EVPL: variants seen among roughly 807,000 people sequenced by gnomAD.
EVPL encodes envoplakin.
In EVPL, 94 loss-of-function variants were observed where a neutral mutation model predicts 129.7. That is an observed-to-expected ratio of 0.72 (90% CI 0.61 to 0.86). The LOEUF (loss-of-function observed/expected upper bound fraction) is 0.86, where lower values mean the gene tolerates loss of function less well. Among genes scored for constraint, EVPL ranks in the 40% least tolerant of loss-of-function variants. The pLI is 0.00. For missense variants in EVPL, 2,625 were observed against 2,721.1 expected (o/e 0.96, Z 0.79); for synonymous variants, 1,172 against 1,191.1 (o/e 0.98, Z 0.33).
In EVPL at chr17:76,022,065, A is replaced by G. The variant is rs1188480451; in HGVS notation, c.646-37T>C. 1.9e-6 allele frequency: 3 copies of G among 1,558,688 alleles called. No individual in the cohort carries two copies. In the African/African-American group the frequency reaches 4.1e-5, roughly 21 times the overall value. On this transcript the variant is annotated intron_variant, in intron 6 of 21. Transcript: ENST00000301607. This position sits in a 1 kb window ranked among gnomAD's most constrained non-coding sequence, Gnocchi z 5.6. ...ACCCGCCGCCAGCAGCAGGGTGGGG[A>G]GACAGAAAGTGGGGGGCAAAAGGCG... is the stretch of plus-strand genomic sequence containing the variant.
chr17:76,023,265 A>T, intron 4 of EVPL, 27 bp downstream of exon 4: 1 of 1,613,318 alleles, frequency 6.2e-7, no homozygotes, highest in Non-Finnish European at 8.5e-7. Flanking sequence ...CTCTGATCAC[A>T]CTGGGGTGTG....
chr17:76,023,067 C>G (rs1390981045), intron 4 of EVPL, among the ~76,000 whole-genome samples: 3 of 152,154 alleles, frequency 2.0e-5, no homozygotes, highest in African/African-American at 7.2e-5. Context: ...CTCCTCACTA[C>G]TTCACCCTGG....
At chr17:76,026,721 T>G (rs2066500486) in intron 1 of EVPL, among the ~76,000 whole-genome samples, 1 of 130,018 alleles carries the variant, frequency 7.7e-6, no homozygotes. Flanking sequence ...GCAGCCAGGC[T>G]CTCCTGTCTC....
Position 76,023,674 on chromosome 17 carries a change from A to G in EVPL, c.199-20T>C. 6.5e-7 allele frequency: 1 copy of G among 1,528,466 alleles called. No homozygotes were observed. The highest frequency in any genetic ancestry group is 1.4e-5 in the African/African-American group (1 of 72,826). The allele number at this position is 1,528,466 out of a possible 1,614,324, so 94.7% of individuals were successfully genotyped here. A position where few individuals can be genotyped will look rare whatever the true frequency, so the allele number is the denominator to read the frequency against. On this transcript the variant is annotated intron_variant, in intron 2 of 21. Coordinates refer to ENST00000301607, the MANE Select transcript of EVPL (RefSeq NM_001988.4). ...CCGGTCCTGTGGGCAGGAGATGGGC[A>G]GACTGGCCAGGGCCCAGAGCCCCCA... is the stretch of plus-strand genomic sequence containing the variant.
rs755302072 is a variant in EVPL, at chr17:76,023,539, C to T, written c.314G>A (p.Arg105Gln). Reference protein sequence around the residue: ...KDLFLDVDKARRLKHPQAEEI... With the variant: ...KDLFLDVDKAQRLKHPQAEEI... ...CTCAGCCTGCGGGTGCTTGAGCCGC[C>T]GGGCCTTGTCCACGTCCAGGAAGAG... The change falls in exon 3 of 22, where the codon CGG (arginine) becomes CAG (glutamine). Residue 105 changes from arginine (R) to glutamine (Q), a missense_variant. Around this residue, in one of 4 missense-constraint regions of EVPL, gnomAD observed 139 missense variants for 186.8 expected, o/e 0.74. Transcript: ENST00000301607. The T allele has an allele frequency of 7.2e-5, 116 of 1,613,246 alleles. No individual in the cohort carries two copies. The highest frequency in any genetic ancestry group is 3.3e-4 in the Middle Eastern group (2 of 5,978).
chr17:76,010,493 G>A lies in EVPL; in HGVS notation c.2712C>T (p.Ser904=), dbSNP rs139093656. The part of the protein sequence containing the change: ...IRRTHDAKQG[S]ESPAQAGRES... ...CTCTCCCTGCTTGGGCAGGGCTCTCGGAGCCCTGCTTTGCATCATGGGTCC... is the reference window on the plus strand; with the variant it reads ...CTCTCCCTGCTTGGGCAGGGCTCTCAGAGCCCTGCTTTGCATCATGGGTCC... Residue 904 remains serine, a synonymous_variant, in exon 22 of 22, where the codon TCC becomes TCT. Transcript: ENST00000301607. The A allele has an allele frequency of 2.9e-4, 463 of 1,613,766 alleles. 2 individuals are homozygous for A. In the African/African-American group the frequency reaches 5.2e-3, roughly 18 times the overall value.
rs191977923 is a variant in EVPL, at chr17:76,007,900, C to T, written c.5305G>A (p.Gly1769Ser). The T allele has an allele frequency of 3.2e-4, 519 of 1,614,026 alleles. 2 individuals carry two copies. In the East Asian group the frequency reaches 0.01, roughly 32 times the overall value. ...SKEEYHLYKD[G>S]HLPISEFALL... Reference sequence around the variant, plus strand: ...GCAAACTCGGAGATGGGCAGGTGGCCGTCCTTGTACAGATGGTACTCCTCC... The same window carrying T: ...GCAAACTCGGAGATGGGCAGGTGGCTGTCCTTGTACAGATGGTACTCCTCC... The change falls in exon 22 of 22, where the codon GGC (glycine) becomes AGC (serine). Residue 1769 changes from glycine to serine, a missense_variant. Physicochemically the swap from Gly to Ser is moderately conservative, Grantham distance 56. This residue lies in a region of EVPL where 1,453 missense variants were observed against 1,511.8 expected (regional missense o/e 0.96). Transcript: ENST00000301607. The surrounding 1 kb of genome is among the most constrained non-coding windows in gnomAD (Gnocchi z 8.8).
In EVPL at chr17:76,008,310, G is replaced by T; in HGVS notation, c.4895C>A (p.Ala1632Asp). ...QKTESERQKA[A>D]QRGQELSRLE... The stretch of plus-strand genomic sequence containing the variant: ...CCGCGAGAGCTCCTGGCCCCGCTGG[G>T]CCGCCTTCTGTCGCTCGCTCTCCGT... The change falls in exon 22 of 22, where the codon GCC becomes GAC. Residue 1632 changes from alanine to aspartate, a missense_variant. Physicochemically the swap from Ala to Asp is moderately radical, Grantham distance 126 (BLOSUM62 -2). Around this residue, in one of 4 missense-constraint regions of EVPL, gnomAD observed 1,453 missense variants for 1,511.8 expected, o/e 0.96. Transcript: ENST00000301607. The surrounding 1 kb of genome is among the most constrained non-coding windows in gnomAD (Gnocchi z 7.4). 1 of 1,608,700 alleles carries T rather than the reference G, an allele frequency of 6.2e-7. No individual in the cohort carries two copies. The highest frequency in any genetic ancestry group is 1.1e-5 in the South Asian group (1 of 91,064).
intron 19 of EVPL, 45 bp downstream of exon 19, chr17:76,011,961 A>T (rs1440580697): frequency 6.2e-7 from 1 of 1,602,046 alleles, no homozygotes; most frequent in East Asian, 2.2e-5. Context: ...GAAGAGGGAC[A>T]AGGGTGATGC....
At position 76,015,624 on chromosome 17, in the gene EVPL, G is replaced by A; in HGVS notation, c.1715C>T (p.Thr572Ile). Reference protein sequence around the residue: ...LEGRIHSHEGTAQRLQSLGTE... With the variant: ...LEGRIHSHEGIAQRLQSLGTE... ...TCCCAGGCTCTGCAGGCGCTGGGCT[G>A]TGCCCTAAAGAGGGGCGGGGTCAGG... is the stretch of plus-strand genomic sequence containing the variant. Residue 572 changes from threonine to isoleucine, a missense_variant, in exon 15 of 22, where the codon ACA becomes ATA. Physicochemically the swap from Thr to Ile is moderately conservative, Grantham distance 89. Transcript: ENST00000301607. 6 of 1,611,906 alleles carry A rather than the reference G, an allele frequency of 3.7e-6. No individual in the cohort carries two copies. Among genetic ancestry groups the A allele is most frequent in the Non-Finnish European group, 4.2e-6 (5 of 1,178,966 alleles).
rs1480486391 is a variant in EVPL at position 76,013,604 on chromosome 17, C to T, written c.2373+822G>A. ...GGGCCCCGTCCATCTCACTCACTGTCCCCTTCAAGCAGTCACCAAGTCCAC... is the reference window on the plus strand; with the variant it reads ...GGGCCCCGTCCATCTCACTCACTGTTCCCTTCAAGCAGTCACCAAGTCCAC... On this transcript the variant is annotated intron_variant, in intron 18 of 21. Coordinates refer to ENST00000301607, the MANE Select transcript of EVPL (RefSeq NM_001988.4). This position sits in a 1 kb window ranked among gnomAD's most constrained non-coding sequence, Gnocchi z 4.3. Among the ~76,000 whole-genome samples, 1 of 152,216 alleles carries T rather than the reference C, an allele frequency of 6.6e-6. No individual in the cohort carries two copies. Among genetic ancestry groups the T allele is most frequent in the Non-Finnish European group, 1.5e-5 (1 of 68,040 alleles).
Position 76,024,002 on chromosome 17 carries a change from A to G in EVPL, c.198+19T>C, listed in dbSNP as rs761490039. ...CACCCAGCCTGTCCACGCCCTGCCAACTGCTGCCGGGGCCTCACCTGCTGC... is the reference window on the plus strand; with the variant it reads ...CACCCAGCCTGTCCACGCCCTGCCAGCTGCTGCCGGGGCCTCACCTGCTGC... On this transcript the variant is annotated intron_variant, in intron 2 of 21. Transcript: ENST00000301607. This position sits in a 1 kb window ranked among gnomAD's most constrained non-coding sequence, Gnocchi z 4.5. The G allele has an allele frequency of 6.2e-6, 10 of 1,606,896 alleles. No homozygotes were observed. The highest frequency in any genetic ancestry group is 1.7e-5 in the Admixed American group (1 of 59,350).
At chr17:76,011,410 G>A (rs1598233632) in intron 21 of EVPL, 166 bp downstream of exon 21, 1 of 652,914 alleles carries the variant, frequency 1.5e-6, no homozygotes, top group Non-Finnish European at 2.7e-6. Context: ...CTGGGTGGCT[G>A]GAATCCGCTC....
Position 76,017,699 on chromosome 17 carries a change from C to T in EVPL, c.1710+40G>A, listed in dbSNP as rs566324165. On this transcript the variant is annotated intron_variant, in intron 14 of 21. Coordinates refer to ENST00000301607, the MANE Select transcript of EVPL (RefSeq NM_001988.4). ...TCAAGTGTGAGCACCAGGGCCGGGC[C>T]GCTTCTCATCCCAGCCGCCCCTTCC... is the stretch of plus-strand genomic sequence containing the variant. 2.2e-4 allele frequency: 345 copies of T among 1,593,748 alleles called. 2 individuals carry two copies. The East Asian group carries it at 2.4e-3, about 11-fold the overall frequency.
chr17:76,026,242 A>AT (rs61017516), intron 1 of EVPL, among the ~76,000 whole-genome samples: 1,721 of 130,184 alleles, frequency 0.013, 29 homozygotes, highest in African/African-American at 0.041. Context: ...TTGCGCCAGG[A>AT]TTTTTTTTTT....
At position 76,022,651 on chromosome 17, in the gene EVPL, A is replaced by G. The variant is rs1598244954; in HGVS notation, c.481-113T>C. The G allele has an allele frequency of 2.1e-6, 3 of 1,411,736 alleles. No individual in the cohort carries two copies. The highest frequency in any genetic ancestry group is 2.9e-5 in the African/African-American group (2 of 69,668). The allele number at this position is 1,411,736 out of a possible 1,614,324, so 87.5% of individuals were successfully genotyped here. On this transcript the variant is annotated intron_variant, in intron 4 of 21. Transcript: ENST00000301607. This position sits in a 1 kb window ranked among gnomAD's most constrained non-coding sequence, Gnocchi z 5.6. Reference sequence around the variant, plus strand: ...TGGTCATTTGGGCAGAGCGTGGACGAGCCTGGGAGCAGCCCGGGTGCATGC... The same window carrying G: ...TGGTCATTTGGGCAGAGCGTGGACGGGCCTGGGAGCAGCCCGGGTGCATGC...
chr17:76,015,128 C>G lies in EVPL; in HGVS notation c.2029-19G>C. On this transcript the variant is annotated intron_variant, in intron 16 of 21. Transcript: ENST00000301607. ...GCTGGCGCTGCAGGAGGAGGGGACG[C>G]AGCCGTGCACCCTCGTGGCTGGGGA... 1.3e-6 allele frequency: 2 copies of G among 1,568,090 alleles called. No individual in the cohort carries two copies. Among genetic ancestry groups the G allele is most frequent in the Non-Finnish European group, 1.7e-6 (2 of 1,156,098 alleles).
chr17:76,017,432 A>G (rs1313257909), intron 14 of EVPL, among the ~76,000 whole-genome samples: 1 of 152,112 alleles, frequency 6.6e-6, no homozygotes, highest in Non-Finnish European at 1.5e-5. Context: ...CTTCACCAGA[A>G]TACCTCCTGG....
At position 76,017,732 on chromosome 17, in the gene EVPL, C is replaced by T. The variant is rs1340180886; in HGVS notation, c.1710+7G>A. ...ATCCCAGCCGCCCCTTCCCGCTGCT[C>T]ACCCACCTCATGGCTGTGGATGCGG... On this transcript the variant is annotated splice_region_variant and intron_variant, in intron 14 of 21. Transcript: ENST00000301607. 6.2e-7 allele frequency: 1 copy of T among 1,608,956 alleles called. No individual in the cohort carries two copies. The highest frequency in any genetic ancestry group is 1.1e-5 in the South Asian group (1 of 90,990).
Sources: allele counts gnomAD v4.1 joint callset (sites outside exome capture counted in the v4.1 genomes callset), GRCh38; gene constraint gnomAD v4.1.1; regional missense constraint gnomAD v4.1.1; non-coding constraint Gnocchi (gnomAD v3.1); transcripts MANE v1.5; gene names NCBI Gene and HGNC (gene_info 2026-07-23, HGNC 2026-07-21).